Variants in ZRANB2 observed in about 807,000 individuals in gnomAD.
ZRANB2 encodes zinc finger RANBP2-type containing 2.
Under a neutral mutation model 53.4 loss-of-function variants are expected in ZRANB2, and 19 were observed. The ratio of observed to expected loss-of-function variants is 0.36; its 90% CI spans 0.25 to 0.52. ZRANB2 has a LOEUF of 0.52. ZRANB2 is among the 20% of genes least tolerant of loss of function. The probability of loss-of-function intolerance (pLI) is 0.93; values close to 1 mark genes in which losing one functional copy is unlikely to be tolerated. For missense variants in ZRANB2, 309 were observed against 401.1 expected (o/e 0.77, Z 1.96); for synonymous variants, 145 against 134.8 (o/e 1.08, Z -0.52).
In ZRANB2 at chr1:71,065,119, A is replaced by G. The variant is rs749257543; in HGVS notation, c.948T>C (p.Ser316=). The change falls in exon 10 of 10, where the codon TCT becomes TCC. Residue 316 remains serine, a synonymous_variant. Transcript: ENST00000370920. ...RSPERRHRSS[S]GSSHSGSRSS... ...AACGGGAACCAGAATGGGATGATCC[A>G]GATGATGACCTGTGGCGTCTGTAAG... is the stretch of plus-strand genomic sequence containing the variant. 4 of 1,611,728 alleles carry G rather than the reference A, an allele frequency of 2.5e-6. No homozygotes were observed. In the Admixed American group the frequency reaches 6.7e-5, roughly 27 times the overall value.
intron 4 of ZRANB2, among the ~76,000 whole-genome samples, chr1:71,076,403 A>C (rs998421133): frequency 2.6e-5 from 4 of 152,222 alleles, no homozygotes; most frequent in Non-Finnish European, 4.4e-5. Context: ...TTTCAGAATT[A>C]CTGCCAAAGC....
intron 7 of ZRANB2, chr1:71,069,584 C>T: frequency 3.0e-6 from 1 of 331,262 alleles, no homozygotes; most frequent in Non-Finnish European, 5.5e-6. Flanking sequence ...ACCCTAAAGC[C>T]ACTCAACTAT....
chr1:71,071,678 T>C (rs947027347), intron 6 of ZRANB2, among the ~76,000 whole-genome samples: 1 of 152,102 alleles, frequency 6.6e-6, no homozygotes, highest in African/African-American at 2.4e-5. Context: ...TTATCTCCTA[T>C]TTAGGGAACC....
intron 8 of ZRANB2, among the ~76,000 whole-genome samples, chr1:71,068,295 CCA>C (rs762135169): frequency 6.6e-6 from 1 of 152,144 alleles, no homozygotes; most frequent in Non-Finnish European, 1.5e-5. Flanking sequence ...ACCAAAACAG[CCA>C]CAGTTAGACT....
chr1:71,068,235 C>T (rs1557790484), intron 8 of ZRANB2, among the ~76,000 whole-genome samples: 1 of 152,146 alleles, frequency 6.6e-6, no homozygotes, highest in Non-Finnish European at 1.5e-5. Flanking sequence ...CATGATTATA[C>T]TGTGGCAGCC....
intron 3 of ZRANB2, 103 bp from the exon 4 acceptor site, chr1:71,076,980 G>A (rs1661723589): frequency 1.2e-6 from 1 of 846,018 alleles, no homozygotes; most frequent in South Asian, 1.8e-5. Flanking sequence ...TGAAACCACT[G>A]TCAAAGAAAT....
At chr1:71,073,031 G>T (rs1434822721) in intron 4 of ZRANB2, among the ~76,000 whole-genome samples, 1 of 152,020 alleles carries the variant, frequency 6.6e-6, no homozygotes, top group Admixed American at 6.6e-5. Context: ...TAATTACACA[G>T]ACAAACACAA....
chr1:71,067,090 T>C, intron 8 of ZRANB2, 156 bp from the exon 9 acceptor site: 1 of 608,908 alleles, frequency 1.6e-6, no homozygotes, highest in Non-Finnish European at 2.6e-6. Context: ...AGAAGACTTC[T>C]GGATCAACCA....
chr1:71,065,701 T>C (rs770462528), intron 9 of ZRANB2: 18 of 1,612,150 alleles, frequency 1.1e-5, no homozygotes, highest in South Asian at 3.3e-5. Flanking sequence ...TGGTGTTCCG[T>C]AGGGGTTGGC....
At position 71,063,584 on chromosome 1, in the gene ZRANB2, A is replaced by G. The variant is rs1661353875; in HGVS notation, c.*1490T>C. Reference sequence around the variant, plus strand: ...GGCAATTTAGAAGGTAGACTTTCAAAAAGTCTGAGGCACAATTACAAGTGA... The same window carrying G: ...GGCAATTTAGAAGGTAGACTTTCAAGAAGTCTGAGGCACAATTACAAGTGA... On this transcript the variant is annotated 3_prime_UTR_variant, in exon 10 of 10. Coordinates refer to ENST00000370920, the MANE Select transcript of ZRANB2 (RefSeq NM_203350.3). 4 of 152,576 alleles carry G rather than the reference A, an allele frequency of 2.6e-5. No homozygotes were observed. Among genetic ancestry groups the G allele is most frequent in the Admixed American group, 2.0e-4 (3 of 15,262 alleles). The allele number at this position is 152,576 out of a possible 1,614,324, so 9.5% of individuals were successfully genotyped here.
At chr1:71,072,416 G>T (rs764996164) in intron 5 of ZRANB2, 56 bp downstream of exon 5, 2 of 1,529,962 alleles carry the variant, frequency 1.3e-6, no homozygotes, top group Non-Finnish European at 1.8e-6. Flanking sequence ...TTGCATTTAA[G>T]AATTTTTTCT....
At chr1:71,076,089 G>A (rs1661704404) in intron 4 of ZRANB2, among the ~76,000 whole-genome samples, 1 of 152,142 alleles carries the variant, frequency 6.6e-6, no homozygotes, top group Non-Finnish European at 1.5e-5. Context: ...ACTAGATATA[G>A]AAGGAATCCT....
chr1:71,066,216 C>T (rs2101039926), intron 9 of ZRANB2: 1 of 156,408 alleles, frequency 6.4e-6, no homozygotes, highest in South Asian at 1.9e-4. Flanking sequence ...AGTGTCAGTA[C>T]AGATAAAGTA....
In ZRANB2 at chr1:71,068,459, C is replaced by T. The variant is rs56369294; in HGVS notation, c.770+817G>A. On this transcript the variant is annotated intron_variant, in intron 8 of 9. Coordinates refer to ENST00000370920, the MANE Select transcript of ZRANB2 (RefSeq NM_203350.3). ...CAAGAGCATCTTTCAAATTATGTTT[C>T]CCTCTACAGATGTGACTACATGCAA... Among the ~76,000 whole-genome samples, 900 of 152,244 alleles carry T rather than the reference C, an allele frequency of 5.9e-3. 5 individuals are homozygous for T. The highest frequency in any genetic ancestry group is 9.6e-3 in the Admixed American group (146 of 15,280).
chr1:71,069,531 C>A, intron 7 of ZRANB2, 169 bp from the exon 8 acceptor site: 1 of 443,602 alleles, frequency 2.3e-6, no homozygotes, highest in Non-Finnish European at 4.0e-6. Flanking sequence ...GATTTAGTAA[C>A]AAAAGGTAAT....
intron 3 of ZRANB2, 62 bp from the exon 4 acceptor site, chr1:71,076,939 A>G (rs554838915): frequency 5.7e-6 from 7 of 1,225,224 alleles, no homozygotes; most frequent in South Asian, 2.7e-5. Context: ...AAATTTTTAG[A>G]TATTTTACAA....
chr1:71,076,885 A>G lies in ZRANB2; in HGVS notation c.219-8T>C, dbSNP rs1177879957. 2 of 1,603,336 alleles carry G rather than the reference A, an allele frequency of 1.2e-6. No homozygotes were observed. The highest frequency in any genetic ancestry group is 8.5e-7 in the Non-Finnish European group (1 of 1,171,640). On this transcript the variant is annotated splice_polypyrimidine_tract_variant and splice_region_variant and intron_variant, in intron 3 of 9. Transcript: ENST00000370920. ...CAATTCACATTGCTGCAACTTTAGA[A>G]GTGAAAAATACTAAATTAGTAGGCT... is the stretch of plus-strand genomic sequence containing the variant.
At chr1:71,069,674 CAAG>C (rs1483074161) in intron 7 of ZRANB2, 4 of 171,538 alleles carry the variant, frequency 2.3e-5, no homozygotes, top group Admixed American at 1.9e-4. Context: ...AGAATACATC[CAAG>C]AAAACAGAAT....
In ZRANB2 at chr1:71,066,871, T is replaced by C; in HGVS notation, c.834A>G (p.Ser278=). The stretch of plus-strand genomic sequence containing the variant: ...TCTTTCTGTTCCTCTCAGGAGAAGA[T>C]GATGAACTTGAATAAGATCTTTTTC... ...SPRKRSYSSS[S]SSPERNRKRS... The change falls in exon 9 of 10, where the codon TCA becomes TCG. Residue 278 remains serine, a synonymous_variant. Transcript: ENST00000370920. 1 of 1,611,534 alleles carries C rather than the reference T, an allele frequency of 6.2e-7. No homozygotes were observed. Among genetic ancestry groups the C allele is most frequent in the Non-Finnish European group, 8.5e-7 (1 of 1,179,068 alleles).
Sources: gnomAD v4.1 joint callset for allele counts (sites outside exome capture counted in the v4.1 genomes callset) on GRCh38, gnomAD v4.1.1 for gene constraint, MANE v1.5 for transcripts, NCBI Gene and HGNC (gene_info 2026-07-23, HGNC 2026-07-21) for gene names.